The following NUP98 variants were observed in gnomAD, a reference collection of about 807,000 sequenced individuals.
The protein encoded by NUP98 is nuclear pore complex protein Nup98-Nup96.
A neutral mutation model predicts 191.9 loss-of-function variants in NUP98; 26 were observed. The ratio of observed to expected loss-of-function variants is 0.14; its 90% CI spans 0.10 to 0.19. The LOEUF (loss-of-function observed/expected upper bound fraction) is 0.19. NUP98 is among the 10% of genes least tolerant of loss of function. The pLI is 1.00. For missense variants in NUP98, 1,941 were observed against 2,178.8 expected (o/e 0.89, Z 2.17); for synonymous variants, 808 against 778.4 (o/e 1.04, Z -0.63).
rs1157626136 is a variant in NUP98, at chr11:3,731,396, C to G, written c.1725G>C (p.Met575Ile). Reference sequence around the variant, plus strand: ...GTTAACAAAAATAAACTCACTTGGGCATGAATGCTCCATTGGCTAGGGATG... The same window carrying G: ...GTTAACAAAAATAAACTCACTTGGGGATGAATGCTCCATTGGCTAGGGATG... ...DEPSLANGAF[M>I]PKKSIKKLVL... is the part of the protein sequence containing the mutation. Residue 575 changes from methionine to isoleucine, a missense_variant, in exon 14 of 33, where the codon ATG becomes ATC. Physicochemically the swap from Met to Ile is conservative, Grantham distance 10. Transcript: ENST00000324932. 1 of 1,562,630 alleles carries G rather than the reference C, an allele frequency of 6.4e-7. No individual in the cohort carries two copies. Among genetic ancestry groups the G allele is most frequent in the Admixed American group, 1.8e-5 (1 of 54,350 alleles).
chr11:3,784,335 C>T (rs557490997), intron 1 of NUP98, among the ~76,000 whole-genome samples: 1 of 152,028 alleles, frequency 6.6e-6, no homozygotes, highest in South Asian at 2.1e-4. Context: ...GAAAAAAAAT[C>T]AAATACTTAA....
chr11:3,771,328 A>C (rs920527357), intron 7 of NUP98, among the ~76,000 whole-genome samples: 1 of 152,228 alleles, frequency 6.6e-6, no homozygotes, highest in Non-Finnish European at 1.5e-5. Flanking sequence ...AGGATTTCCT[A>C]AATCAAATAA....
chr11:3,784,045 ACAGT>A (rs1347279734), intron 1 of NUP98, among the ~76,000 whole-genome samples: 5 of 152,236 alleles, frequency 3.3e-5, no homozygotes, highest in Admixed American at 3.3e-4. Context: ...AACTCTGAAA[ACAGT>A]CAATCATGCT....
At chr11:3,726,353 T>C (rs1381647726) in intron 14 of NUP98, among the ~76,000 whole-genome samples, 1 of 151,438 alleles carries the variant, frequency 6.6e-6, no homozygotes, top group East Asian at 1.9e-4. Flanking sequence ...AATTAAAAAC[T>C]GATGAAATAG....
At chr11:3,712,423 G>C in intron 20 of NUP98, 141 bp downstream of exon 20, 8 of 1,459,330 alleles carry the variant, frequency 5.5e-6, no homozygotes, top group Non-Finnish European at 7.2e-6. Context: ...GCCCTCCCTT[G>C]CACTTGTTTC....
At position 3,719,469 on chromosome 11, in the gene NUP98, T is replaced by A; in HGVS notation, c.2342A>T (p.Glu781Val). 1.9e-6 allele frequency: 3 copies of A among 1,602,200 alleles called. No individual in the cohort carries two copies. Among genetic ancestry groups the A allele is most frequent in the Non-Finnish European group, 2.6e-6 (3 of 1,175,574 alleles). Residue 781 changes from glutamate (E) to valine (V), a missense_variant, in exon 18 of 33, where the codon GAA (glutamate) becomes GTA (valine). Coordinates refer to ENST00000324932, the MANE Select transcript of NUP98 (RefSeq NM_016320.5). ...LDDIVHIRRK[E>V]VVVYLDDNQK... ...GTTATCATCTAAGTAGACAACTACTTCTTTCCTCCGGATATGCACAATATC... is the reference window on the plus strand; with the variant it reads ...GTTATCATCTAAGTAGACAACTACTACTTTCCTCCGGATATGCACAATATC...
At chr11:3,786,145 C>T (rs1412330187) in intron 1 of NUP98, among the ~76,000 whole-genome samples, 1 of 152,206 alleles carries the variant, frequency 6.6e-6, no homozygotes, top group East Asian at 1.9e-4. Context: ...ACAAAGCTAT[C>T]GTTGACCCCA....
intron 19 of NUP98, among the ~76,000 whole-genome samples, chr11:3,713,333 G>C (rs2079076298): frequency 6.6e-6 from 1 of 152,192 alleles, no homozygotes; most frequent in South Asian, 2.1e-4. Flanking sequence ...CCCACAGTTT[G>C]TAAGAACTCA....
At chr11:3,736,961 C>T (rs1484422996) in intron 12 of NUP98, among the ~76,000 whole-genome samples, 2 of 152,078 alleles carry the variant, frequency 1.3e-5, no homozygotes, top group Non-Finnish European at 2.9e-5. Context: ...AGTGTAAGAA[C>T]ATCTGTTATC....
chr11:3,722,776 G>A (rs1271505314), intron 16 of NUP98, among the ~76,000 whole-genome samples: 1 of 152,230 alleles, frequency 6.6e-6, no homozygotes, highest in East Asian at 1.9e-4. Flanking sequence ...CTGCGACACT[G>A]CACTCCAGCC....
Position 3,780,541 on chromosome 11 carries a change from C to CA in NUP98, c.77-1285dup, listed in dbSNP as rs142060672. 4.1e-3 allele frequency among the ~76,000 whole-genome samples: 304 copies of CA among 74,502 alleles called. 4 individuals are homozygous for CA. Among genetic ancestry groups the CA allele is most frequent in the Admixed American group, 0.015 (81 of 5,312 alleles). The allele number at this position is 74,502 out of a possible 152,430, so 48.9% of individuals were successfully genotyped here. On this transcript the variant is annotated intron_variant, in intron 2 of 32. Transcript: ENST00000324932. Reference sequence around the variant, plus strand: ...TGGGTGACAGAGCGAGACTCCATCTCAAAAAAAAAAAAAAAAAAAAAGAAA... The same window carrying CA: ...TGGGTGACAGAGCGAGACTCCATCTCAAAAAAAAAAAAAAAAAAAAAAGAAA...
At chr11:3,777,406 A>C (rs994729855) in intron 4 of NUP98, among the ~76,000 whole-genome samples, 3 of 152,114 alleles carry the variant, frequency 2.0e-5, no homozygotes, top group Non-Finnish European at 4.4e-5. Flanking sequence ...GTGGATCACA[A>C]GGTCAGGAGT....
chr11:3,791,088 GT>G (rs1202200841), intron 1 of NUP98, among the ~76,000 whole-genome samples: 13 of 151,958 alleles, frequency 8.6e-5, no homozygotes, highest in East Asian at 2.0e-4. Flanking sequence ...GTAGAGACGG[GT>G]TTTCACCGTG....
At chr11:3,695,094 T>C (rs777873198) in intron 26 of NUP98, among the ~76,000 whole-genome samples, 3 of 152,120 alleles carry the variant, frequency 2.0e-5, no homozygotes, top group Non-Finnish European at 4.4e-5. Context: ...ACTTAGGAGA[T>C]GGAGGATGCA....
intron 7 of NUP98, among the ~76,000 whole-genome samples, chr11:3,770,735 G>C (rs2081503276): frequency 6.6e-6 from 1 of 152,024 alleles, no homozygotes; most frequent in African/African-American, 2.4e-5. Flanking sequence ...CATTACTTTT[G>C]CAAAAGTAGT....
At chr11:3,759,431 T>C (rs990687749) in intron 10 of NUP98, among the ~76,000 whole-genome samples, 2 of 152,062 alleles carry the variant, frequency 1.3e-5, no homozygotes, top group African/African-American at 4.8e-5. Flanking sequence ...ACCTTGTCTC[T>C]ACTAAAAACA....
chr11:3,756,287 T>A (rs1452647367), intron 10 of NUP98, among the ~76,000 whole-genome samples: 1 of 152,192 alleles, frequency 6.6e-6, no homozygotes, highest in Non-Finnish European at 1.5e-5. Context: ...ATACCACACA[T>A]TTCCTCCGAT....
chr11:3,678,294 T>G (rs1185253111), intron 31 of NUP98, among the ~76,000 whole-genome samples: 1 of 152,198 alleles, frequency 6.6e-6, no homozygotes, highest in Non-Finnish European at 1.5e-5. Flanking sequence ...GAGAGGTAGT[T>G]AACTTGCTCA....
At chr11:3,752,121 G>C (rs550017048) in intron 11 of NUP98, among the ~76,000 whole-genome samples, 2 of 148,024 alleles carry the variant, frequency 1.4e-5, no homozygotes, top group Non-Finnish European at 3.0e-5. Flanking sequence ...TCCAGCCTGG[G>C]GGACGGAGCA....
Sources: gnomAD v4.1 joint callset for allele counts (sites outside exome capture counted in the v4.1 genomes callset) on GRCh38, gnomAD v4.1.1 for gene constraint, MANE v1.5 for transcripts, NCBI Gene and HGNC (gene_info 2026-07-23, HGNC 2026-07-21) for gene names.